Variants in PCCA observed in about 807,000 individuals in gnomAD.
The protein encoded by PCCA is propionyl-CoA carboxylase subunit alpha.
A neutral mutation model predicts 101.3 loss-of-function variants in PCCA; 74 were observed. The ratio of observed to expected loss-of-function variants is 0.73; its 90% CI spans 0.61 to 0.89. The LOEUF (loss-of-function observed/expected upper bound fraction) is 0.89, where lower values mean the gene tolerates loss of function less well. Among genes scored for constraint, PCCA ranks in the 40% least tolerant of loss-of-function variants. The pLI, the probability that PCCA is intolerant of heterozygous loss-of-function variation, is 0.00. For missense variants in PCCA, 891 were observed against 907.0 expected, an observed-to-expected ratio of 0.98 and a Z score of 0.23; for synonymous variants, 294 against 313.6, an observed-to-expected ratio of 0.94 and a Z score of 0.66.
chr13:100,101,039 G>T (rs1000528631), intron 1 of PCCA, among the ~76,000 whole-genome samples: 1 of 152,162 alleles, frequency 6.6e-6, no homozygotes, highest in Non-Finnish European at 1.5e-5. Context: ...CCAACCTCAA[G>T]TGATCTGCCC....
intron 19 of PCCA, among the ~76,000 whole-genome samples, chr13:100,389,642 AACAC>A (rs906901310): frequency 3.9e-5 from 6 of 152,144 alleles, no homozygotes; most frequent in Admixed American, 1.3e-4. Flanking sequence ...AGAAAAGAAA[AACAC>A]ACACACACCA....
chr13:100,330,071 CA>C (rs1157769209), intron 16 of PCCA, among the ~76,000 whole-genome samples: 3 of 152,180 alleles, frequency 2.0e-5, no homozygotes, highest in African/African-American at 7.2e-5. Flanking sequence ...GCCAACCAAC[CA>C]CCACTTCAAG....
At chr13:100,219,063 C>G (rs2059673718) in intron 7 of PCCA, among the ~76,000 whole-genome samples, 1 of 152,170 alleles carries the variant, frequency 6.6e-6, no homozygotes, top group African/African-American at 2.4e-5. Context: ...GACAATGCAG[C>G]CTGGTTCACT....
Position 100,530,099 on chromosome 13 carries a change from T to G in PCCA, c.2120T>G (p.Val707Gly), listed in dbSNP as rs2088290834. Residue 707 changes from valine (V) to glycine (G), a missense_variant and splice_region_variant, in exon 24 of 24, where the codon GTG (valine) becomes GGG (glycine). Coordinates refer to ENST00000376285, the MANE Select transcript of PCCA (RefSeq NM_000282.4). The part of the protein sequence containing the change: ...NSMTAGKTGT[V>G]KSVHCQAGDT... Reference sequence around the variant, plus strand: ...CCCCTGCATTTTTCAAAATTCAAGGTGAAATCTGTGCACTGTCAAGCTGGA... The same window carrying G: ...CCCCTGCATTTTTCAAAATTCAAGGGGAAATCTGTGCACTGTCAAGCTGGA... 6.2e-7 allele frequency: 1 copy of G among 1,613,522 alleles called. No homozygotes were observed. The highest frequency in any genetic ancestry group is 1.7e-5 in the Admixed American group (1 of 59,994).
chr13:100,306,424 G>A (rs1412552846), intron 14 of PCCA, among the ~76,000 whole-genome samples: 1 of 152,152 alleles, frequency 6.6e-6, no homozygotes, highest in Non-Finnish European at 1.5e-5. Flanking sequence ...TTTAATAAAT[G>A]TTCTGTCCTC....
intron 18 of PCCA, among the ~76,000 whole-genome samples, chr13:100,344,121 A>G (rs1316844752): frequency 6.6e-6 from 1 of 152,226 alleles, no homozygotes; most frequent in African/African-American, 2.4e-5. Context: ...AGTAAATTAT[A>G]TCTTAATGCA....
chr13:100,197,058 C>G (rs2058150782), intron 6 of PCCA, among the ~76,000 whole-genome samples: 1 of 152,184 alleles, frequency 6.6e-6, no homozygotes, highest in East Asian at 1.9e-4. Flanking sequence ...TGTGTTGTCA[C>G]CATTGCACAG....
At chr13:100,208,461 A>T (rs1381466805) in intron 6 of PCCA, among the ~76,000 whole-genome samples, 1 of 152,170 alleles carries the variant, frequency 6.6e-6, no homozygotes, top group Non-Finnish European at 1.5e-5. Flanking sequence ...GCCTTCCTCG[A>T]GGAAGGCCTG....
chr13:100,504,610 A>T, intron 21 of PCCA, among the ~76,000 whole-genome samples: 1 of 152,280 alleles, frequency 6.6e-6, no homozygotes, highest in African/African-American at 2.4e-5. Flanking sequence ...ATACTTAATG[A>T]CATTTCTGTG....
At chr13:100,379,799 T>C (rs1445408005) in intron 19 of PCCA, among the ~76,000 whole-genome samples, 1 of 152,148 alleles carries the variant, frequency 6.6e-6, no homozygotes, top group Non-Finnish European at 1.5e-5. Context: ...ACCCCCGTGA[T>C]TCAATTTCCT....
At chr13:100,307,073 G>T in intron 14 of PCCA, 119 bp from the exon 15 acceptor site, 2 of 719,270 alleles carry the variant, frequency 2.8e-6, no homozygotes, top group Non-Finnish European at 4.8e-6. Flanking sequence ...TCCAGAAGTT[G>T]AAATGTTATT....
At chr13:100,248,378 C>CT (rs1469619999) in intron 8 of PCCA, among the ~76,000 whole-genome samples, 1 of 152,144 alleles carries the variant, frequency 6.6e-6, no homozygotes, top group African/African-American at 2.4e-5. Context: ...ATTTTATACT[C>CT]TATTTCTATT....
intron 6 of PCCA, among the ~76,000 whole-genome samples, chr13:100,157,923 C>A (rs1235731471): frequency 6.6e-6 from 1 of 152,280 alleles, no homozygotes; most frequent in African/African-American, 2.4e-5. Context: ...CAGGTACTAT[C>A]TTAATTTATT....
At position 100,472,872 on chromosome 13, in the gene PCCA, TA is replaced by T. The variant is rs112926036; in HGVS notation, c.1899+23581del. ...TGGAAAATGTTAAAGTATCATAAGA[TA>T]AAAAAAAAAAAAATTTAAACCTGAT... On this transcript the variant is annotated intron_variant, in intron 21 of 23. Coordinates refer to ENST00000376285, the MANE Select transcript of PCCA (RefSeq NM_000282.4). 4.4e-3 allele frequency among the ~76,000 whole-genome samples: 626 copies of T among 143,034 alleles called. 5 individuals are homozygous for T. The highest frequency in any genetic ancestry group is 0.011 in the African/African-American group (442 of 38,786). 93.8% of individuals were successfully genotyped at this position (143,034 alleles called of 152,430 possible). A position where few individuals can be genotyped will look rare whatever the true frequency, so the allele number is the denominator to read the frequency against.
chr13:100,261,705 G>C (rs1349353394), intron 9 of PCCA, among the ~76,000 whole-genome samples: 2 of 152,060 alleles, frequency 1.3e-5, no homozygotes, highest in African/African-American at 4.8e-5. Context: ...ATTTAAATTA[G>C]TTTGTAAACA....
chr13:100,516,730 A>G (rs905346372), intron 22 of PCCA, among the ~76,000 whole-genome samples: 8 of 104,482 alleles, frequency 7.7e-5, no homozygotes, highest in Admixed American at 6.2e-4. Flanking sequence ...GCCATAAGAA[A>G]AATTACGTGT....
chr13:100,452,332 C>T (rs1017435209), intron 21 of PCCA, among the ~76,000 whole-genome samples: 3 of 152,042 alleles, frequency 2.0e-5, no homozygotes, highest in Non-Finnish European at 4.4e-5. Context: ...TGGAGGATGG[C>T]AGTAGCTGGC....
chr13:100,425,526 T>A, intron 19 of PCCA, 107 bp from the exon 20 acceptor site: 2 of 766,534 alleles, frequency 2.6e-6, no homozygotes, highest in Non-Finnish European at 4.7e-6. Flanking sequence ...GACAGGTTGT[T>A]TGGGAGCCAT....
intron 10 of PCCA, among the ~76,000 whole-genome samples, chr13:100,265,603 C>G (rs1218930160): frequency 1.3e-5 from 2 of 152,174 alleles, no homozygotes; most frequent in African/African-American, 4.8e-5. Flanking sequence ...TCTACCTCCA[C>G]TCCCACACAC....
Sources: allele counts gnomAD v4.1 joint callset (sites outside exome capture counted in the v4.1 genomes callset), GRCh38; gene constraint gnomAD v4.1.1; transcripts MANE v1.5; gene names NCBI Gene and HGNC (gene_info 2026-07-23, HGNC 2026-07-21).